GAS7: variants seen among roughly 807,000 people sequenced by gnomAD.
The protein encoded by GAS7 is growth arrest specific 7.
In GAS7, 28 loss-of-function variants were observed where a neutral mutation model predicts 71.1. That is an observed-to-expected ratio of 0.39 (90% CI 0.29 to 0.54). The LOEUF (loss-of-function observed/expected upper bound fraction) is 0.54. GAS7 is among the 20% of genes least tolerant of loss of function. The pLI, the probability that GAS7 is intolerant of heterozygous loss-of-function variation, is 0.62. For synonymous variants in GAS7, 258 were observed against 245.8 expected (o/e 1.05, Z -0.46); for missense variants, 436 against 627.8 (o/e 0.69, Z 3.27).
At chr17:10,156,504 T>C (rs1000451909) in intron 1 of GAS7, among the ~76,000 whole-genome samples, 7 of 152,208 alleles carry the variant, frequency 4.6e-5, no homozygotes, top group Non-Finnish European at 7.3e-5. Flanking sequence ...TAGAAACATC[T>C]CTGGGCTGGT....
At chr17:9,957,008 G>A (rs911712133) in intron 5 of GAS7, among the ~76,000 whole-genome samples, 3 of 152,220 alleles carry the variant, frequency 2.0e-5, no homozygotes, top group Non-Finnish European at 2.9e-5. Context: ...AGGCCAGGTG[G>A]TACACCGGGA....
At chr17:9,963,053 A>G (rs377569196) in intron 4 of GAS7, among the ~76,000 whole-genome samples, 9,011 of 150,918 alleles carry the variant, frequency 0.06, 934 homozygotes, top group African/African-American at 0.21. Flanking sequence ...AAAAAAAAAA[A>G]GAAAAAAAGG....
At position 9,959,134 on chromosome 17, in the gene GAS7, T is replaced by C; in HGVS notation, c.525+68A>G. 22 of 1,549,344 alleles carry C rather than the reference T, an allele frequency of 1.4e-5. No individual in the cohort carries two copies. Among genetic ancestry groups the C allele is most frequent in the Non-Finnish European group, 1.8e-5 (21 of 1,138,402 alleles). The stretch of plus-strand genomic sequence containing the variant: ...TTCTGCTTGGCGGTCCACATCGCCA[T>C]GGCAACAGCCCAGCCAAATGCCCCA... On this transcript the variant is annotated intron_variant, in intron 5 of 13. Coordinates refer to ENST00000432992, the MANE Select transcript of GAS7 (RefSeq NM_201433.2). The surrounding 1 kb of genome is among the most constrained non-coding windows in gnomAD (Gnocchi z 5.0).
intron 1 of GAS7, among the ~76,000 whole-genome samples, chr17:10,140,904 G>A (rs1191397050): frequency 6.6e-6 from 1 of 152,228 alleles, no homozygotes; most frequent in East Asian, 1.9e-4. Flanking sequence ...AAAGATGCAG[G>A]GTCCCACACT....
rs570625955 is a variant in GAS7, at chr17:10,042,901, G to A, written c.184-23004C>T. Among the ~76,000 whole-genome samples the A allele has an allele frequency of 2.0e-4, 30 of 152,324 alleles. No homozygotes were observed. In the South Asian group the frequency reaches 5.8e-3, roughly 29 times the overall value. ...TGACAGAAGTTCGAACCAGTAACTC[G>A]AAGAGATGTGGCTATGGTGACAGCC... is the stretch of plus-strand genomic sequence containing the variant. On this transcript the variant is annotated intron_variant, in intron 1 of 13. Coordinates refer to ENST00000432992, the MANE Select transcript of GAS7 (RefSeq NM_201433.2).
intron 7 of GAS7, 142 bp downstream of exon 7, chr17:9,942,979 C>A (rs867611877): frequency 1.7e-6 from 1 of 575,798 alleles, no homozygotes; most frequent in South Asian, 2.5e-5. Context: ...CCATCCCAGG[C>A]GCCATGAGTT....
At chr17:10,086,639 G>A (rs16959290) in intron 1 of GAS7, among the ~76,000 whole-genome samples, 2,808 of 152,318 alleles carry the variant, frequency 0.018, 71 homozygotes, top group African/African-American at 0.064. Flanking sequence ...ACTGCTGGGA[G>A]GTGCAGAATT....
chr17:9,940,287 A>G, intron 7 of GAS7, 87 bp from the exon 8 acceptor site: 1 of 936,458 alleles, frequency 1.1e-6, no homozygotes, highest in Admixed American at 1.7e-5. Flanking sequence ...TCAGCCGTGG[A>G]AAGGAACCCA....
chr17:10,062,347 T>C (rs1381010346), intron 1 of GAS7, among the ~76,000 whole-genome samples: 2 of 152,192 alleles, frequency 1.3e-5, no homozygotes, highest in African/African-American at 4.8e-5. Flanking sequence ...TAGCTAGGCA[T>C]GGTGGTGCAC....
chr17:9,970,007 C>T (rs1197017029), intron 3 of GAS7, among the ~76,000 whole-genome samples: 1 of 152,120 alleles, frequency 6.6e-6, no homozygotes, highest in East Asian at 1.9e-4. Context: ...TTTTTTAACC[C>T]GAGAGCAAAA....
At chr17:9,990,434 G>A (rs1311729265) in intron 2 of GAS7, among the ~76,000 whole-genome samples, 3 of 152,144 alleles carry the variant, frequency 2.0e-5, no homozygotes, top group Non-Finnish European at 2.9e-5. Context: ...AGTCTCAAAA[G>A]TGACACTCCA....
chr17:10,021,456 T>C (rs1316925250), intron 1 of GAS7, among the ~76,000 whole-genome samples: 2 of 152,208 alleles, frequency 1.3e-5, no homozygotes, highest in South Asian at 4.1e-4. Context: ...GGACTTTGAG[T>C]AAACACAGCC....
chr17:10,011,580 G>C (rs2071774238), intron 2 of GAS7, among the ~76,000 whole-genome samples: 1 of 152,116 alleles, frequency 6.6e-6, no homozygotes, highest in African/African-American at 2.4e-5. Context: ...TCCTTCCCTT[G>C]CATACCTACC....
Position 9,939,337 on chromosome 17 carries a change from C to G in GAS7, c.806+789G>C, listed in dbSNP as rs373215249. 7.6e-4 allele frequency among the ~76,000 whole-genome samples: 116 copies of G among 152,240 alleles called. 1 individual carries two copies. Among genetic ancestry groups the G allele is most frequent in the African/African-American group, 2.7e-3 (112 of 41,542 alleles). The stretch of plus-strand genomic sequence containing the variant: ...GAGGGTTGGGTTAAGCTTCTCCCAG[C>G]CCAGGTCCCACTCAAGGAGGTCTGG... On this transcript the variant is annotated intron_variant, in intron 8 of 13. Transcript: ENST00000432992.
chr17:10,154,651 G>A (rs575546812), intron 1 of GAS7, among the ~76,000 whole-genome samples: 1 of 151,980 alleles, frequency 6.6e-6, no homozygotes, highest in Non-Finnish European at 1.5e-5. Context: ...CCGCCCAACC[G>A]CCCATCTCTA....
Position 9,981,320 on chromosome 17 carries a change from G to C in GAS7, c.385+484C>G, listed in dbSNP as rs182288949. 3.9e-5 allele frequency among the ~76,000 whole-genome samples: 6 copies of C among 152,098 alleles called. No individual in the cohort carries two copies. The highest frequency in any genetic ancestry group is 1.4e-4 in the African/African-American group (6 of 41,510). On this transcript the variant is annotated intron_variant, in intron 3 of 13. Transcript: ENST00000432992. This position sits in a 1 kb window ranked among gnomAD's most constrained non-coding sequence, Gnocchi z 4.4. ...GAGAAACAAACAAACAAACAAAAAAGAACGTCCATCTCAACTGCCTCTGCT... is the reference window on the plus strand; with the variant it reads ...GAGAAACAAACAAACAAACAAAAAACAACGTCCATCTCAACTGCCTCTGCT...
chr17:10,194,065 A>T (rs966341206), intron 1 of GAS7, among the ~76,000 whole-genome samples: 8 of 152,180 alleles, frequency 5.3e-5, no homozygotes, highest in African/African-American at 1.9e-4. Flanking sequence ...GAGTGAAGAA[A>T]ATCAAGTTTA....
chr17:10,003,942 A>G (rs184435778), intron 2 of GAS7, among the ~76,000 whole-genome samples: 14 of 152,308 alleles, frequency 9.2e-5, no homozygotes, highest in Admixed American at 7.8e-4. Context: ...ACCCCACTCC[A>G]AGGTCTTCCT....
At chr17:10,005,590 G>A (rs941781111) in intron 2 of GAS7, among the ~76,000 whole-genome samples, 5 of 152,040 alleles carry the variant, frequency 3.3e-5, no homozygotes, top group African/African-American at 9.7e-5. Flanking sequence ...CACACCTCAC[G>A]ATTTTCTGAA....
Sources: allele counts gnomAD v4.1 joint callset (sites outside exome capture counted in the v4.1 genomes callset), GRCh38; gene constraint gnomAD v4.1.1; non-coding constraint Gnocchi (gnomAD v3.1); transcripts MANE v1.5; gene names NCBI Gene and HGNC (gene_info 2026-07-23, HGNC 2026-07-21).